Variants in DCBLD1 observed in about 807,000 individuals in gnomAD.
DCBLD1 encodes the protein discoidin, CUB and LCCL domain containing 1, also known as discoidin, CUB and LCCL domain-containing protein 1.
Under a neutral mutation model 71.5 loss-of-function variants are expected in DCBLD1, and 57 were observed. The ratio of observed to expected loss-of-function variants is 0.80; its 90% confidence interval spans 0.64 to 0.99. The LOEUF (loss-of-function observed/expected upper bound fraction) is 0.99. Ranked by LOEUF, DCBLD1 falls within the 50% of genes least tolerant of loss-of-function variation. The probability of loss-of-function intolerance (pLI) is 0.00; values close to 1 mark genes in which losing one functional copy is unlikely to be tolerated. For missense variants in DCBLD1, 891 were observed against 923.5 expected (o/e 0.96, Z 0.46); for synonymous variants, 380 against 363.8 (o/e 1.04, Z -0.51).
At chr6:117,506,034 G>A (rs1777831288) in intron 2 of DCBLD1, among the ~76,000 whole-genome samples, 2 of 152,058 alleles carry the variant, frequency 1.3e-5, no homozygotes, top group African/African-American at 2.4e-5. Flanking sequence ...TTGAACGTTT[G>A]TCTTTTGAAA....
intron 1 of DCBLD1, 115 bp downstream of exon 1, chr6:117,483,008 C>G: frequency 1.0e-6 from 1 of 1,001,760 alleles, no homozygotes; most frequent in Non-Finnish European, 1.2e-6. Flanking sequence ...CCTGGGGGGA[C>G]GGAGCGCGGG....
At chr6:117,543,513 C>T (rs1342449819) in intron 12 of DCBLD1, among the ~76,000 whole-genome samples, 2 of 152,182 alleles carry the variant, frequency 1.3e-5, no homozygotes, top group East Asian at 3.9e-4. Context: ...GTTAGGATTA[C>T]AAGCATGTGC....
At chr6:117,505,783 C>T (rs2114435071) in intron 2 of DCBLD1, among the ~76,000 whole-genome samples, 1 of 152,200 alleles carries the variant, frequency 6.6e-6, no homozygotes, top group South Asian at 2.1e-4. Context: ...GCCTGGGCAA[C>T]ACAGTGAGAC....
rs766092381 is a variant in DCBLD1 at position 117,541,006 on chromosome 6, C to T, written c.1338C>T (p.Pro446=). The T allele has an allele frequency of 2.4e-5, 39 of 1,614,072 alleles. No individual in the cohort carries two copies. In the South Asian group the frequency reaches 3.3e-4, roughly 14 times the overall value. Residue 446 remains proline, a synonymous_variant, in exon 11 of 15, where the codon CCC becomes CCT. Coordinates refer to ENST00000338728, the MANE Select transcript of DCBLD1 (RefSeq NM_001366458.2). ...ATGAGACAATCACAAGGCCCATCCC[C>T]TCGGAAGAAACATCCACAGGTAGAG... ...KEDETITRPI[P]SEETSTGINI...
downstream of DCBLD1, among the ~76,000 whole-genome samples, chr6:117,553,878 C>A (rs1255193211): frequency 1.3e-5 from 2 of 152,082 alleles, no homozygotes; most frequent in African/African-American, 4.8e-5. Context: ...GGCTTAGACT[C>A]CCTGGGCTCA....
Position 117,548,180 on chromosome 6 carries a change from A to G in DCBLD1, c.1889A>G (p.His630Arg). 6.5e-7 allele frequency: 1 copy of G among 1,550,318 alleles called. No individual in the cohort carries two copies. The highest frequency in any genetic ancestry group is 8.7e-7 in the Non-Finnish European group (1 of 1,146,890). Residue 630 changes from histidine (H) to arginine (R), a missense_variant, in exon 15 of 15, where the codon CAC becomes CGC. Transcript: ENST00000338728. ...GYRVPGPQPG[H>R]KHSLSSGGFS... ...CGCGTCCCAGGGCCCCAGCCCGGCC[A>G]CAAACACTCCCTCTCCTCGGGCGGC... is the stretch of plus-strand genomic sequence containing the variant.
chr6:117,522,693 G>A (rs1778425229), intron 4 of DCBLD1, among the ~76,000 whole-genome samples: 1 of 152,056 alleles, frequency 6.6e-6, no homozygotes, highest in African/African-American at 2.4e-5. Flanking sequence ...CAAAGTGCTG[G>A]GATTACAAGT....
intron 14 of DCBLD1, among the ~76,000 whole-genome samples, chr6:117,555,043 G>A (rs188808556): frequency 5.9e-4 from 90 of 152,212 alleles, no homozygotes; most frequent in Middle Eastern, 3.4e-3. Flanking sequence ...TTGTTTGAAC[G>A]TTTAGTAGCA....
At chr6:117,543,408 A>C (rs1312295749) in intron 12 of DCBLD1, among the ~76,000 whole-genome samples, 197 bp downstream of exon 12, 1 of 152,210 alleles carries the variant, frequency 6.6e-6, no homozygotes, top group Non-Finnish European at 1.5e-5. Context: ...TTTTTTATAG[A>C]CAGGGTCTCC....
intron 14 of DCBLD1, among the ~76,000 whole-genome samples, chr6:117,558,811 C>T (rs1779530013): frequency 1.3e-5 from 2 of 152,088 alleles, no homozygotes; most frequent in Non-Finnish European, 1.5e-5. Context: ...TAGCATGTAC[C>T]AAAATTCTAG....
At chr6:117,532,023 A>C (rs1778738445) in intron 5 of DCBLD1, among the ~76,000 whole-genome samples, 1 of 152,186 alleles carries the variant, frequency 6.6e-6, no homozygotes, top group South Asian at 2.1e-4. Flanking sequence ...TCAAGAGTCT[A>C]AGGTGGCTTC....
At chr6:117,535,062 GTGT>G (rs1232819094) in intron 6 of DCBLD1, among the ~76,000 whole-genome samples, 1 of 152,142 alleles carries the variant, frequency 6.6e-6, no homozygotes, top group Non-Finnish European at 1.5e-5. Context: ...GTTTTCATCT[GTGT>G]TGTTTTACTC....
chr6:117,540,564 A>G (rs1215599161), intron 9 of DCBLD1, 104 bp from the exon 10 acceptor site: 6 of 1,432,142 alleles, frequency 4.2e-6, no homozygotes, highest in African/African-American at 2.9e-5. Flanking sequence ...TGCAACCGAC[A>G]TAGAATCCTT....
rs1779242844 is a variant in DCBLD1 at position 117,545,636 on chromosome 6, A to G, written c.1615+39A>G. 3.1e-6 allele frequency: 5 copies of G among 1,588,110 alleles called. 1 individual carries two copies. Among genetic ancestry groups the G allele is most frequent in the Middle Eastern group, 3.3e-4 (2 of 5,974 alleles). On this transcript the variant is annotated intron_variant, in intron 14 of 14. Coordinates refer to ENST00000338728, the MANE Select transcript of DCBLD1 (RefSeq NM_001366458.2). Reference sequence around the variant, plus strand: ...TTCTAGGACTGTGCTATTAGATTGGAGGTGCTGCTTGTGGGGGAGGGAGAC... The same window carrying G: ...TTCTAGGACTGTGCTATTAGATTGGGGGTGCTGCTTGTGGGGGAGGGAGAC...
At chr6:117,547,497 T>C (rs962793543) in intron 14 of DCBLD1, 2 of 481,746 alleles carry the variant, frequency 4.2e-6, no homozygotes, top group Non-Finnish European at 8.5e-6. Flanking sequence ...CCTCATATCC[T>C]ATTAAACAAA....
chr6:117,559,539 G>A (rs1779543401), intron 14 of DCBLD1, among the ~76,000 whole-genome samples: 1 of 152,060 alleles, frequency 6.6e-6, no homozygotes, highest in Admixed American at 6.6e-5. Flanking sequence ...TCAGACCACA[G>A]CAGCTGGACC....
chr6:117,548,756 T>TC lies in DCBLD1; in HGVS notation c.*317_*318insC. On this transcript the variant is annotated 3_prime_UTR_variant, in exon 15 of 15. Transcript: ENST00000338728. ...TGTTAAAGGTGTAATGTGTACAGAG[T>TC]TGTATTTAACAATAATAAAAGTAAC... 8.2e-7 allele frequency: 1 copy of TC among 1,214,490 alleles called. No individual in the cohort carries two copies. The highest frequency in any genetic ancestry group is 2.4e-5 in the South Asian group (1 of 42,184). 75.2% of individuals were successfully genotyped at this position (1,214,490 alleles called of 1,614,324 possible). A position where few individuals can be genotyped will look rare whatever the true frequency, so the allele number is the denominator to read the frequency against.
downstream of DCBLD1, among the ~76,000 whole-genome samples, chr6:117,554,549 T>G (rs1343145856): frequency 1.3e-5 from 2 of 152,206 alleles, no homozygotes; most frequent in Non-Finnish European, 2.9e-5. Context: ...TATGAATCCA[T>G]TACTGTATTA....
intron 1 of DCBLD1, among the ~76,000 whole-genome samples, chr6:117,487,206 A>G (rs1248276820): frequency 2.0e-5 from 3 of 152,162 alleles, no homozygotes; most frequent in South Asian, 2.1e-4. Context: ...TATAAGGTCT[A>G]TGAGTTTTGT....
Sources: allele counts gnomAD v4.1 joint callset (sites outside exome capture counted in the v4.1 genomes callset), GRCh38; gene constraint gnomAD v4.1.1; transcripts MANE v1.5; gene names NCBI Gene and HGNC (gene_info 2026-07-23, HGNC 2026-07-21).